ELMO1: variants seen among roughly 807,000 people sequenced by gnomAD.
ELMO1 encodes the protein engulfment and cell motility protein 1.
ELMO1 carries 26 observed loss-of-function variants against 98.9 expected under a neutral mutation model. That is an observed-to-expected ratio of 0.26 (90% CI 0.19 to 0.36). ELMO1 has a LOEUF of 0.36. Ranked by LOEUF, ELMO1 falls within the 10% of genes least tolerant of loss-of-function variation. The probability of loss-of-function intolerance (pLI) is 1.00; values close to 1 mark genes in which losing one functional copy is unlikely to be tolerated. For missense variants in ELMO1, 627 were observed against 935.2 expected (o/e 0.67, Z 4.30); for synonymous variants, 346 against 346.0 (o/e 1.00, Z 0.00).
chr7:36,887,472 C>T (rs904775428), intron 18 of ELMO1, 88 bp downstream of exon 18: 202 of 1,274,578 alleles, frequency 1.6e-4, no homozygotes, highest in Non-Finnish European at 2.1e-4. Flanking sequence ...ATGGCCTACC[C>T]GTAAACCAAC....
chr7:37,320,388 T>C (rs1434666641), intron 2 of ELMO1, among the ~76,000 whole-genome samples: 2 of 152,148 alleles, frequency 1.3e-5, no homozygotes, highest in African/African-American at 4.8e-5. Flanking sequence ...CTTCTGGATC[T>C]TTATGGTGAG....
intron 4 of ELMO1, among the ~76,000 whole-genome samples, chr7:37,278,496 A>G (rs1315994571): frequency 6.6e-6 from 1 of 151,900 alleles, no homozygotes; most frequent in Non-Finnish European, 1.5e-5. Context: ...GCAACAGAGC[A>G]AGACCCTGTC....
intron 16 of ELMO1, among the ~76,000 whole-genome samples, chr7:36,942,812 G>A (rs570039232): frequency 6.6e-6 from 1 of 152,196 alleles, no homozygotes; most frequent in East Asian, 1.9e-4. Context: ...CACTTATAAT[G>A]AACACTTCCC....
chr7:37,303,671 G>A (rs920733755), intron 4 of ELMO1, among the ~76,000 whole-genome samples: 8 of 152,160 alleles, frequency 5.3e-5, no homozygotes, highest in African/African-American at 1.9e-4. Flanking sequence ...AGAAGTGCCT[G>A]TTTGGAGGAA....
At chr7:37,370,029 C>T (rs181957320) in intron 1 of ELMO1, among the ~76,000 whole-genome samples, 160 of 152,272 alleles carry the variant, frequency 1.1e-3, no homozygotes, top group African/African-American at 3.8e-3. Flanking sequence ...CTAGGAATCT[C>T]ATTAAATAAC....
intron 1 of ELMO1, among the ~76,000 whole-genome samples, chr7:37,383,910 G>A (rs902976307): frequency 2.6e-5 from 4 of 152,078 alleles, no homozygotes; most frequent in Non-Finnish European, 5.9e-5. Context: ...CCGCATCCCC[G>A]GTTCATGCCA....
At chr7:37,287,922 T>C (rs1034552560) in intron 4 of ELMO1, among the ~76,000 whole-genome samples, 2 of 152,326 alleles carry the variant, frequency 1.3e-5, no homozygotes, top group South Asian at 4.1e-4. Flanking sequence ...GGCTCCCTGT[T>C]ATCCTCCAGT....
At chr7:37,379,534 T>C (rs1039756207) in intron 1 of ELMO1, among the ~76,000 whole-genome samples, 1 of 152,222 alleles carries the variant, frequency 6.6e-6, no homozygotes, top group South Asian at 2.1e-4. Flanking sequence ...CCCAATTCTA[T>C]ACTTCTTCTT....
At chr7:37,367,330 T>C (rs974020305) in intron 1 of ELMO1, among the ~76,000 whole-genome samples, 4 of 152,228 alleles carry the variant, frequency 2.6e-5, no homozygotes, top group Admixed American at 2.6e-4. Flanking sequence ...TACCTTGCAA[T>C]GTTACACACC....
At chr7:37,410,515 A>G (rs1240656604) in intron 1 of ELMO1, among the ~76,000 whole-genome samples, 1 of 152,180 alleles carries the variant, frequency 6.6e-6, no homozygotes, top group Non-Finnish European at 1.5e-5. Context: ...AGTTCCAGTA[A>G]CCTTCTGCTC....
intron 17 of ELMO1, among the ~76,000 whole-genome samples, chr7:36,889,112 A>G (rs1169185816): frequency 1.3e-5 from 2 of 152,230 alleles, no homozygotes; most frequent in African/African-American, 4.8e-5. Context: ...GAAAAAAGTT[A>G]CATAAAAGGA....
At chr7:37,188,447 C>A (rs995462144) in intron 13 of ELMO1, among the ~76,000 whole-genome samples, 90 of 10,186 alleles carry the variant, frequency 8.8e-3, no homozygotes, top group Non-Finnish European at 9.6e-3. Context: ...CACACACACA[C>A]ACACGCAAAC....
At chr7:36,876,866 C>A (rs1330801786) in intron 19 of ELMO1, among the ~76,000 whole-genome samples, 1 of 152,128 alleles carries the variant, frequency 6.6e-6, no homozygotes, top group East Asian at 1.9e-4. Flanking sequence ...ACTTAGGGAG[C>A]CAATAATGTG....
At chr7:37,156,569 A>G (rs1788781135) in intron 13 of ELMO1, among the ~76,000 whole-genome samples, 1 of 152,236 alleles carries the variant, frequency 6.6e-6, no homozygotes, top group Non-Finnish European at 1.5e-5. Context: ...TAGAAAATCT[A>G]GAAGAAATGG....
At position 37,222,595 on chromosome 7, in the gene ELMO1, A is replaced by T; in HGVS notation, c.780+20T>A. The T allele has an allele frequency of 6.2e-7, 1 of 1,612,270 alleles. No homozygotes were observed. Among genetic ancestry groups the T allele is most frequent in the Non-Finnish European group, 8.5e-7 (1 of 1,178,432 alleles). On this transcript the variant is annotated intron_variant, in intron 10 of 21. Coordinates refer to ENST00000310758, the MANE Select transcript of ELMO1 (RefSeq NM_014800.11). ...TTCCTAGCCTTGACATAGCCATAAG[A>T]CTAAAGAAATGCAACTTACCTGCCT...
chr7:37,099,705 T>C (rs1256707674), intron 14 of ELMO1, among the ~76,000 whole-genome samples: 1 of 152,244 alleles, frequency 6.6e-6, no homozygotes, highest in Non-Finnish European at 1.5e-5. Flanking sequence ...ACATTCTCTA[T>C]CAATTGATTT....
intron 1 of ELMO1, among the ~76,000 whole-genome samples, chr7:37,364,650 TTTC>T (rs1280228281): frequency 2.6e-5 from 4 of 151,648 alleles, no homozygotes; most frequent in African/African-American, 9.7e-5. Flanking sequence ...CAAAACCAAA[TTTC>T]TTCTTCTTCT....
At chr7:37,277,510 G>C (rs1315094571) in intron 4 of ELMO1, among the ~76,000 whole-genome samples, 1 of 152,226 alleles carries the variant, frequency 6.6e-6, no homozygotes, top group Non-Finnish European at 1.5e-5. Flanking sequence ...ACTCTTGAAA[G>C]GTAGACTGAT....
At chr7:37,256,198 T>C (rs1795632371) in intron 6 of ELMO1, among the ~76,000 whole-genome samples, 1 of 152,128 alleles carries the variant, frequency 6.6e-6, no homozygotes, top group Non-Finnish European at 1.5e-5. Flanking sequence ...AGGGTTTACA[T>C]TTCCCTGTAC....
Sources: allele counts gnomAD v4.1 joint callset (sites outside exome capture counted in the v4.1 genomes callset), GRCh38; gene constraint gnomAD v4.1.1; transcripts MANE v1.5; gene names NCBI Gene and HGNC (gene_info 2026-07-23, HGNC 2026-07-21).